The following CTBP2 variants were observed in gnomAD, a reference collection of about 807,000 sequenced individuals.
CTBP2 encodes C-terminal binding protein 2.
Under a neutral mutation model 80.3 loss-of-function variants are expected in CTBP2, and 30 were observed. That is an observed-to-expected ratio of 0.37 (90% CI 0.28 to 0.51). The LOEUF is 0.51. Ranked by LOEUF, CTBP2 falls within the 20% of genes least tolerant of loss-of-function variation. The pLI, the probability that CTBP2 is intolerant of heterozygous loss-of-function variation, is 0.93. For missense variants in CTBP2, 1,212 were observed against 1,375.3 expected (o/e 0.88, Z 1.88); for synonymous variants, 594 against 587.4 (o/e 1.01, Z -0.16).
chr10:125,015,775 A>G (rs1956413969), intron 1 of CTBP2, among the ~76,000 whole-genome samples: 2 of 152,248 alleles, frequency 1.3e-5, no homozygotes, highest in Admixed American at 1.3e-4. Flanking sequence ...GAGAAAAATA[A>G]GGGAAAATAG....
chr10:125,073,672 T>G (rs1845856881), intron 2 of CTBP2, among the ~76,000 whole-genome samples: 1 of 152,216 alleles, frequency 6.6e-6, no homozygotes, highest in Non-Finnish European at 1.5e-5. Context: ...CATATAGGCA[T>G]TTATACAAAT....
chr10:125,080,991 C>T (rs1295134958), intron 2 of CTBP2, among the ~76,000 whole-genome samples: 4 of 150,998 alleles, frequency 2.6e-5, no homozygotes, highest in Admixed American at 1.3e-4. Flanking sequence ...AATAGCTTTA[C>T]AGTGGAGAAA....
rs776579088 is a variant in CTBP2, at chr10:124,994,594, G to A, written c.2275C>T (p.Arg759Trp). 1 of 1,613,908 alleles carries A rather than the reference G, an allele frequency of 6.2e-7. No homozygotes were observed. Among genetic ancestry groups the A allele is most frequent in the Non-Finnish European group, 8.5e-7 (1 of 1,179,910 alleles). The change falls in exon 5 of 9, where the codon CGG becomes TGG. Residue 759 changes from arginine to tryptophan, a missense_variant. Around this residue, in one of 3 missense-constraint regions of CTBP2, gnomAD observed 335 missense variants for 504.7 expected, o/e 0.66. Coordinates refer to ENST00000309035, the MANE Select transcript of CTBP2 (RefSeq NM_022802.3). Reference sequence around the variant, plus strand: ...TAGACCCTCTGCACGCCCAGGGACCGCTCGATCCCATCCTGCAAGTAGGGG... The same window carrying A: ...TAGACCCTCTGCACGCCCAGGGACCACTCGATCCCATCCTGCAAGTAGGGG...
chr10:125,108,060 A>G (rs1851721938), intron 2 of CTBP2, among the ~76,000 whole-genome samples: 1 of 152,244 alleles, frequency 6.6e-6, no homozygotes. Context: ...TGGAGAACGA[A>G]GTCTTTTTCC....
At chr10:125,138,569 A>G (rs1220133420) in intron 1 of CTBP2, among the ~76,000 whole-genome samples, 1 of 152,108 alleles carries the variant, frequency 6.6e-6, no homozygotes, top group Non-Finnish European at 1.5e-5. Context: ...GTGGATAATC[A>G]AATGTGTAAG....
chr10:124,998,548 C>T (rs1365137608), intron 3 of CTBP2: 3 of 311,172 alleles, frequency 9.6e-6, no homozygotes, highest in Non-Finnish European at 1.8e-5. Flanking sequence ...GTGGACCCCA[C>T]TCAGCCTCAA....
chr10:125,026,625 G>C lies in CTBP2; in HGVS notation c.1135C>G (p.Leu379Val), dbSNP rs752543195. 6.4e-7 allele frequency: 1 copy of C among 1,573,232 alleles called. No homozygotes were observed. The highest frequency in any genetic ancestry group is 2.4e-5 in the East Asian group (1 of 42,074). The change falls in exon 1 of 9, where the codon CTC (leucine) becomes GTC (valine). Residue 379 changes from leucine (L) to valine (V), a missense_variant. Physicochemically the swap from Leu to Val is conservative, Grantham distance 32. Around this residue, in one of 3 missense-constraint regions of CTBP2, gnomAD observed 848 missense variants for 782.3 expected, o/e 1.08. Transcript: ENST00000309035. Reference sequence around the variant, plus strand: ...CCCAGAGAAGCCAAGTCACCATGGAGCAGTTCGCTTCGGTGGCTGAAGCTG... The same window carrying C: ...CCCAGAGAAGCCAAGTCACCATGGACCAGTTCGCTTCGGTGGCTGAAGCTG...
chr10:125,106,382 C>T (rs186129115), intron 2 of CTBP2, among the ~76,000 whole-genome samples: 29 of 152,290 alleles, frequency 1.9e-4, no homozygotes, highest in Non-Finnish European at 2.6e-4. Flanking sequence ...ACAGTGTTTC[C>T]GGAAAGGCTT....
intron 1 of CTBP2, among the ~76,000 whole-genome samples, chr10:125,123,802 G>A (rs1028685373): frequency 2.6e-5 from 4 of 152,194 alleles, no homozygotes; most frequent in African/African-American, 9.6e-5. Flanking sequence ...TCCTGGGAGC[G>A]GGCATGACTG....
At chr10:125,010,219 T>TAAAA (rs59517853) in intron 1 of CTBP2, among the ~76,000 whole-genome samples, 4 of 105,988 alleles carry the variant, frequency 3.8e-5, no homozygotes, top group Admixed American at 2.1e-4. Flanking sequence ...ATTTTAAGGT[T>TAAAA]AAAAAAAAAA....
intron 2 of CTBP2, among the ~76,000 whole-genome samples, chr10:125,078,496 AT>A (rs1846643062): frequency 6.6e-6 from 1 of 151,328 alleles, no homozygotes; most frequent in Non-Finnish European, 1.5e-5. Flanking sequence ...CAACCCCAAG[AT>A]TGTTCTACTT....
chr10:125,067,756 T>C (rs1322142842), intron 2 of CTBP2, among the ~76,000 whole-genome samples: 2 of 152,198 alleles, frequency 1.3e-5, no homozygotes, highest in African/African-American at 2.4e-5. Context: ...ACGTAGCCTT[T>C]AGTTCAAGGA....
chr10:125,039,476 A>G (rs1391423814), intron 2 of CTBP2, among the ~76,000 whole-genome samples: 1 of 152,240 alleles, frequency 6.6e-6, no homozygotes, highest in East Asian at 1.9e-4. Flanking sequence ...TTGAAGTGTA[A>G]TAAATTATAT....
chr10:125,130,893 G>A (rs12768115), intron 1 of CTBP2, among the ~76,000 whole-genome samples: 5,259 of 152,292 alleles, frequency 0.035, 134 homozygotes, highest in Non-Finnish European at 0.047. Flanking sequence ...CAAAGGGCTC[G>A]CTGTCCAAGC....
chr10:125,121,784 C>T (rs918880959), intron 1 of CTBP2, among the ~76,000 whole-genome samples: 1 of 152,236 alleles, frequency 6.6e-6, no homozygotes, highest in Non-Finnish European at 1.5e-5. Context: ...AAACTCCTTT[C>T]CACCTTGCGC....
intron 2 of CTBP2, among the ~76,000 whole-genome samples, chr10:125,094,433 A>G (rs1288745189): frequency 2.0e-5 from 3 of 152,256 alleles, no homozygotes. Flanking sequence ...GCTAGAACAC[A>G]GCCCAAGGAA....
At chr10:125,018,456 C>T (rs1321810786) in intron 1 of CTBP2, among the ~76,000 whole-genome samples, 1 of 152,128 alleles carries the variant, frequency 6.6e-6, no homozygotes, top group Non-Finnish European at 1.5e-5. Context: ...TTCCACTGCA[C>T]TCCAGCCTGG....
In CTBP2 at chr10:125,039,173, G is replaced by T. The variant is rs371772270; in HGVS notation, c.-101-18C>A. The T allele has an allele frequency of 1.2e-6, 1 of 837,612 alleles. No homozygotes were observed. The highest frequency in any genetic ancestry group is 1.9e-6 in the Non-Finnish European group (1 of 530,388). 51.9% of individuals were successfully genotyped at this position (837,612 alleles called of 1,614,324 possible). A position where few individuals can be genotyped will look rare whatever the true frequency, so the allele number is the denominator to read the frequency against. ...TATGAACCCTGAAACAAGGAGAAAA[G>T]AATCCTTACTCTCTGGAGACCCTCT... On this transcript the variant is annotated intron_variant, in intron 2 of 10. Transcript: ENST00000337195.
intron 3 of CTBP2, among the ~76,000 whole-genome samples, chr10:125,033,369 G>A (rs1020564152): frequency 6.6e-6 from 1 of 152,212 alleles, no homozygotes; most frequent in African/African-American, 2.4e-5. Context: ...ACAGAGGAAC[G>A]CCCTCGAGCG....
Sources: allele counts gnomAD v4.1 joint callset (sites outside exome capture counted in the v4.1 genomes callset), GRCh38; gene constraint gnomAD v4.1.1; regional missense constraint gnomAD v4.1.1; transcripts MANE v1.5; gene names NCBI Gene and HGNC (gene_info 2026-07-23, HGNC 2026-07-21).